The following SEL1L2 variants were observed in gnomAD, a reference collection of about 807,000 sequenced individuals.
SEL1L2 encodes SEL1L2 adaptor subunit of SYVN1 ubiquitin ligase.
A neutral mutation model predicts 98.8 loss-of-function variants in SEL1L2; 89 were observed. The ratio of observed to expected loss-of-function variants is 0.90; its 90% CI spans 0.76 to 1.07. SEL1L2 has a LOEUF of 1.07. Among genes scored for constraint, SEL1L2 ranks in the 50% least tolerant of loss-of-function variants. The probability of loss-of-function intolerance (pLI) is 0.00; values close to 1 mark genes in which losing one functional copy is unlikely to be tolerated. For missense variants in SEL1L2, 788 were observed against 812.0 expected (o/e 0.97, Z 0.36); for synonymous variants, 262 against 278.5 (o/e 0.94, Z 0.59).
chr20:13,954,204 TG>T (rs2050407895), intron 2 of SEL1L2, among the ~76,000 whole-genome samples: 1 of 152,066 alleles, frequency 6.6e-6, no homozygotes, highest in East Asian at 1.9e-4. Flanking sequence ...AAAATTATAA[TG>T]TAAATGGTAA....
chr20:13,987,022 G>T (rs550234805), intron 1 of SEL1L2, among the ~76,000 whole-genome samples: 1 of 152,122 alleles, frequency 6.6e-6, no homozygotes, highest in East Asian at 2.0e-4. Context: ...TAGTAGAAAC[G>T]GGGTTTCACC....
intron 5 of SEL1L2, among the ~76,000 whole-genome samples, chr20:13,907,690 T>TTCTTTCTTTC (rs1323672655): frequency 6.8e-6 from 1 of 146,598 alleles, no homozygotes; most frequent in African/African-American, 2.5e-5. Flanking sequence ...TTCTCTTTCT[T>TTCTTTCTTTC]TCTTTCTTTC....
chr20:13,993,957 T>G (rs1285262200), upstream of SEL1L2, among the ~76,000 whole-genome samples: 1 of 152,182 alleles, frequency 6.6e-6, no homozygotes, highest in African/African-American at 2.4e-5. Flanking sequence ...AAATGTCACT[T>G]CCTTCTTGAA....
chr20:13,962,137 G>A (rs571881454), intron 1 of SEL1L2, among the ~76,000 whole-genome samples: 3 of 152,282 alleles, frequency 2.0e-5, no homozygotes, highest in Admixed American at 6.5e-5. Context: ...GACATGAATC[G>A]TTGAGGCCTA....
At chr20:13,888,431 T>A in intron 6 of SEL1L2, 28 bp downstream of exon 6, 1 of 1,433,602 alleles carries the variant, frequency 7.0e-7, no homozygotes, top group African/African-American at 1.4e-5. Flanking sequence ...ATCAATTTTG[T>A]TCCAGAATAA....
At chr20:13,885,586 G>T (rs1023945570) in intron 9 of SEL1L2, among the ~76,000 whole-genome samples, 183 bp from the exon 10 acceptor site, 3 of 152,190 alleles carry the variant, frequency 2.0e-5, no homozygotes, top group African/African-American at 7.2e-5. Flanking sequence ...TGGACATATG[G>T]CTTCCTTAGT....
At chr20:13,850,137 G>T (rs1987981236) in intron 19 of SEL1L2, 54 bp downstream of exon 19, 1 of 1,606,062 alleles carries the variant, frequency 6.2e-7, no homozygotes, top group Non-Finnish European at 8.5e-7. Context: ...TTGTCCCTAA[G>T]AGTTGCTCAC....
At chr20:13,981,377 T>C (rs1270635102) in intron 1 of SEL1L2, among the ~76,000 whole-genome samples, 2 of 152,224 alleles carry the variant, frequency 1.3e-5, no homozygotes, top group African/African-American at 4.8e-5. Flanking sequence ...AAGTTTTAGA[T>C]GTTGCACAGC....
At chr20:13,915,280 A>G (rs768582950) in intron 4 of SEL1L2, 91 of 1,266,508 alleles carry the variant, frequency 7.2e-5, no homozygotes, top group Middle Eastern at 4.4e-4. Flanking sequence ...CCAGTGGAAC[A>G]AAAAGAGATA....
intron 1 of SEL1L2, among the ~76,000 whole-genome samples, chr20:13,967,127 C>T (rs543727722): frequency 2.1e-4 from 32 of 152,140 alleles, no homozygotes; most frequent in African/African-American, 6.0e-4. Flanking sequence ...GTGATCCACC[C>T]GCCTCGGCCT....
rs781535936 is a variant in SEL1L2 at position 13,877,578 on chromosome 20, T to C, written c.968A>G (p.His323Arg). The change falls in exon 11 of 20, where the codon CAC (histidine) becomes CGC (arginine). Residue 323 changes from histidine (H) to arginine (R), a missense_variant. Physicochemically the swap from His to Arg is conservative, Grantham distance 29. Coordinates refer to ENST00000284951, the MANE Select transcript of SEL1L2 (RefSeq NM_025229.2). ...GLDQDYYKAL[H>R]YFLKAAKAGS... is the part of the protein sequence containing the mutation. ...GGCCTTTGCTGCCTTTAAGAAGTAG[T>C]GTAATGCTTTCTGGAGAGAAAAGGA... 8 of 1,612,646 alleles carry C rather than the reference T, an allele frequency of 5.0e-6. No homozygotes were observed. Among genetic ancestry groups the C allele is most frequent in the South Asian group, 3.3e-5 (3 of 91,030 alleles).
chr20:13,976,553 G>T lies in SEL1L2; in HGVS notation c.58+13924C>A, dbSNP rs949959005. The stretch of plus-strand genomic sequence containing the variant: ...TTGGTTGAAATAAAATACGTGTGTA[G>T]CTAAGACAAAATAGAAAGGAAGCTA... On this transcript the variant is annotated intron_variant, in intron 1 of 19. Transcript: ENST00000284951. Among the ~76,000 whole-genome samples, 4 of 152,246 alleles carry T rather than the reference G, an allele frequency of 2.6e-5. No individual in the cohort carries two copies. In the South Asian group the frequency reaches 8.3e-4, roughly 32 times the overall value.
At chr20:13,900,098 T>C (rs1409942664) in intron 5 of SEL1L2, among the ~76,000 whole-genome samples, 1 of 152,300 alleles carries the variant, frequency 6.6e-6, no homozygotes, top group Non-Finnish European at 1.5e-5. Context: ...CATCTGAGTG[T>C]AGTGTCTTTG....
In SEL1L2 at chr20:13,986,364, G is replaced by A. The variant is rs185804096; in HGVS notation, c.58+4113C>T. Among the ~76,000 whole-genome samples the A allele has an allele frequency of 6.1e-4, 93 of 152,176 alleles. 1 individual carries two copies. Among genetic ancestry groups the A allele is most frequent in the African/African-American group, 2.2e-3 (91 of 41,534 alleles). On this transcript the variant is annotated intron_variant, in intron 1 of 19. Coordinates refer to ENST00000284951, the MANE Select transcript of SEL1L2 (RefSeq NM_025229.2). ...TACAGTTTCAAAACTTCATCATCCC[G>A]GAAGTACACTCTGTACCCATTAAGC...
chr20:13,929,951 C>G (rs866549694), intron 3 of SEL1L2, among the ~76,000 whole-genome samples: 1 of 152,140 alleles, frequency 6.6e-6, no homozygotes, highest in South Asian at 2.1e-4. Context: ...CCACCACACC[C>G]GGTTATTTTT....
At chr20:13,974,676 A>G (rs1054400945) in intron 1 of SEL1L2, among the ~76,000 whole-genome samples, 3 of 151,764 alleles carry the variant, frequency 2.0e-5, no homozygotes, top group African/African-American at 7.3e-5. Flanking sequence ...ACGGGGTCTC[A>G]CCATGTTGGC....
intron 3 of SEL1L2, among the ~76,000 whole-genome samples, chr20:13,925,591 C>T (rs1375495552): frequency 6.6e-6 from 1 of 152,202 alleles, no homozygotes; most frequent in Non-Finnish European, 1.5e-5. Context: ...CTCTTCTTTC[C>T]GATTCCCTTC....
intron 1 of SEL1L2, among the ~76,000 whole-genome samples, chr20:13,962,092 C>A (rs1430560608): frequency 6.6e-6 from 1 of 152,096 alleles, no homozygotes; most frequent in African/African-American, 2.4e-5. Flanking sequence ...AAAGTGAGAC[C>A]TGGGCAATTT....
At chr20:13,911,374 G>A (rs1195152103) in intron 5 of SEL1L2, among the ~76,000 whole-genome samples, 1 of 152,184 alleles carries the variant, frequency 6.6e-6, no homozygotes, top group Non-Finnish European at 1.5e-5. Flanking sequence ...AAAGAAATTA[G>A]GTGTTGCCAT....
Sources: gnomAD v4.1 joint callset for allele counts (sites outside exome capture counted in the v4.1 genomes callset) on GRCh38, gnomAD v4.1.1 for gene constraint, MANE v1.5 for transcripts, NCBI Gene and HGNC (gene_info 2026-07-23, HGNC 2026-07-21) for gene names.